The following PARVB variants were observed in gnomAD, a reference collection of about 807,000 sequenced individuals.
PARVB encodes beta-parvin.
In PARVB, 46 loss-of-function variants were observed where a neutral mutation model predicts 47.0. That is an observed-to-expected ratio of 0.98 (90% CI 0.77 to 1.25). The LOEUF (loss-of-function observed/expected upper bound fraction) is 1.25, where lower values mean the gene tolerates loss of function less well. PARVB is among the 50% of genes most tolerant of loss of function. The pLI, the probability that PARVB is intolerant of heterozygous loss-of-function variation, is 0.00. For synonymous variants in PARVB, 196 were observed against 196.3 expected (o/e 1.00, Z 0.01); for missense variants, 473 against 471.6 (o/e 1.00, Z -0.03).
At chr22:44,011,781 C>T (rs950855243) in intron 2 of PARVB, among the ~76,000 whole-genome samples, 4 of 152,104 alleles carry the variant, frequency 2.6e-5, no homozygotes, top group South Asian at 4.1e-4. Context: ...GCTCCAGCAT[C>T]GTAGAGCAAG....
At chr22:44,134,453 A>G (rs1250709540) in intron 6 of PARVB, among the ~76,000 whole-genome samples, 1 of 152,154 alleles carries the variant, frequency 6.6e-6, no homozygotes, top group African/African-American at 2.4e-5. Context: ...AAACTGGAGT[A>G]TTTCCTTTCA....
chr22:44,086,733 A>C (rs2052032937), intron 1 of PARVB: 1 of 985,158 alleles, frequency 1.0e-6, no homozygotes, highest in Admixed American at 6.1e-5. Context: ...TTTTTAGAAA[A>C]ACTGCTCTGT....
At chr22:44,012,037 A>G (rs552987437) in intron 2 of PARVB, among the ~76,000 whole-genome samples, 12 of 152,354 alleles carry the variant, frequency 7.9e-5, no homozygotes, top group Non-Finnish European at 1.8e-4. Flanking sequence ...AGGTCCTGGC[A>G]TGTTTCAAGG....
intron 1 of PARVB, among the ~76,000 whole-genome samples, chr22:44,080,459 G>A (rs530768060): frequency 1.1e-4 from 17 of 152,086 alleles, no homozygotes; most frequent in Admixed American, 9.8e-4. Context: ...GCCATCTCCC[G>A]ATCTTTCTCT....
chr22:44,115,762 A>C (rs1478156305), intron 3 of PARVB: 1 of 110,174 alleles, frequency 9.1e-6, no homozygotes, highest in Non-Finnish European at 1.8e-5. Flanking sequence ...AAGGCCCTGC[A>C]CCAACACAGA....
chr22:44,153,220 G>A (rs1238588419), intron 10 of PARVB: 1 of 152,210 alleles, frequency 6.6e-6, no homozygotes, highest in African/African-American at 2.4e-5. Context: ...GAGGTGAAAA[G>A]TAAAAATCTT....
intron 8 of PARVB, chr22:44,147,433 G>A (rs963145550): frequency 1.7e-5 from 6 of 348,150 alleles, no homozygotes; most frequent in South Asian, 6.6e-5. Flanking sequence ...GCAGTGAGGC[G>A]TGAGCAGGAC....
intron 1 of PARVB, among the ~76,000 whole-genome samples, chr22:44,077,977 C>T (rs1457113792): frequency 6.6e-6 from 1 of 152,090 alleles, no homozygotes; most frequent in Admixed American, 6.6e-5. Flanking sequence ...GGATTGTAGG[C>T]AGGGGATATT....
intron 10 of PARVB, among the ~76,000 whole-genome samples, chr22:44,157,064 C>T (rs2053950775): frequency 6.6e-6 from 1 of 152,202 alleles, no homozygotes; most frequent in Non-Finnish European, 1.5e-5. Flanking sequence ...AATAAGTTAG[C>T]AACATTCAAA....
chr22:44,117,423 G>T (rs2052933867), intron 3 of PARVB, among the ~76,000 whole-genome samples: 1 of 151,952 alleles, frequency 6.6e-6, no homozygotes, highest in African/African-American at 2.4e-5. Context: ...AACTGAGGGG[G>T]TTCGGGTGCA....
At chr22:44,146,155 TCACACGTGTACA>T (rs2053662049) in intron 8 of PARVB, 2 of 137,980 alleles carry the variant, frequency 1.4e-5, no homozygotes, top group African/African-American at 5.5e-5. Flanking sequence ...ACACACGTGC[TCACACGTGTACA>T]CACGCTCACA....
chr22:44,162,037 C>T (rs1189071319), intron 11 of PARVB, among the ~76,000 whole-genome samples: 2 of 152,202 alleles, frequency 1.3e-5, no homozygotes, highest in African/African-American at 2.4e-5. Context: ...GCCCTCCTGC[C>T]GGGCTGTGTC....
At chr22:44,069,421 A>C (rs1365567327) in intron 1 of PARVB, among the ~76,000 whole-genome samples, 1 of 152,112 alleles carries the variant, frequency 6.6e-6, no homozygotes. Context: ...GGGCGAGTAG[A>C]TCATTGGGCC....
intron 6 of PARVB, 65 bp from the exon 7 acceptor site, chr22:44,136,395 C>T: frequency 1.4e-6 from 2 of 1,424,602 alleles, no homozygotes; most frequent in East Asian, 2.3e-5. Flanking sequence ...TTCGTCTGCC[C>T]TGTCAGTGCA....
At chr22:44,056,573 A>G (rs2051316082) in intron 1 of PARVB, among the ~76,000 whole-genome samples, 1 of 152,036 alleles carries the variant, frequency 6.6e-6, no homozygotes, top group South Asian at 2.1e-4. Flanking sequence ...TGGTGCAATC[A>G]CGGCTCACTA....
In PARVB at chr22:44,093,970, C is replaced by G. The variant is rs34476853; in HGVS notation, c.155C>G (p.Pro52Arg). ...GAAGGCAAGAATGCCATCAACTCAC[C>G]GATGTCCCCCGCCCTGGTGGATGTT... is the stretch of plus-strand genomic sequence containing the variant. ...QEEGKNAINS[P>R]MSPALVDVHP... Residue 52 changes from proline to arginine, a missense_variant, in exon 2 of 13, where the codon CCG becomes CGG. Transcript: ENST00000338758. 5,878 of 1,613,610 alleles carry G rather than the reference C, an allele frequency of 3.6e-3. 198 individuals are homozygous for G. The African/African-American group carries it at 0.067, about 18-fold the overall frequency.
At chr22:44,051,722 A>G (rs2051212374) in intron 1 of PARVB, among the ~76,000 whole-genome samples, 1 of 152,192 alleles carries the variant, frequency 6.6e-6, no homozygotes, top group Non-Finnish European at 1.5e-5. Flanking sequence ...GTGTTCCCCT[A>G]AAAGGTATGT....
Position 44,089,190 on chromosome 22 carries a change from G to A in PARVB, c.113-4738G>A, listed in dbSNP as rs2052103407. Among the ~76,000 whole-genome samples the A allele has an allele frequency of 1.3e-5, 2 of 152,226 alleles. No individual in the cohort carries two copies. Among genetic ancestry groups the A allele is most frequent in the African/African-American group, 4.8e-5 (2 of 41,452 alleles). ...CGTGCAGGCCACAGAGCGTGGTGCT[G>A]CAGGTGAACTCTGCTGCGGTGGGAA... On this transcript the variant is annotated intron_variant, in intron 1 of 12. Transcript: ENST00000338758. This position sits in a 1 kb window ranked among gnomAD's most constrained non-coding sequence, Gnocchi z 4.0.
At chr22:44,031,229 G>GTCTGGGCC (rs2050821372) in intron 1 of PARVB, 1 of 152,210 alleles carries the variant, frequency 6.6e-6, no homozygotes, top group Non-Finnish European at 1.5e-5. Flanking sequence ...TCCTCAGGGT[G>GTCTGGGCC]GTGAGTGGAA....
Sources: gnomAD v4.1 joint callset for allele counts (sites outside exome capture counted in the v4.1 genomes callset) on GRCh38, gnomAD v4.1.1 for gene constraint, Gnocchi (gnomAD v3.1) non-coding constraint, MANE v1.5 for transcripts, NCBI Gene and HGNC (gene_info 2026-07-23, HGNC 2026-07-21) for gene names.